Variants in SMC5 observed in about 807,000 individuals in gnomAD.
SMC5 encodes the protein structural maintenance of chromosomes protein 5.
In SMC5, 88 loss-of-function variants were observed where a neutral mutation model predicts 148.3. The observed-to-expected ratio is 0.59, with a 90% CI of 0.50 to 0.71. SMC5 has a LOEUF of 0.71. Ranked by LOEUF, SMC5 falls within the 30% of genes least tolerant of loss-of-function variation. The probability of loss-of-function intolerance (pLI) is 0.00; values close to 1 mark genes in which losing one functional copy is unlikely to be tolerated. For synonymous variants in SMC5, 421 were observed against 432.8 expected (o/e 0.97, Z 0.34); for missense variants, 1,142 against 1,298.9 (o/e 0.88, Z 1.86).
rs146849006 is a variant in SMC5 at position 70,296,571 on chromosome 9, A to G, written c.1054-1395A>G. Among the ~76,000 whole-genome samples the G allele has an allele frequency of 3.9e-3, 590 of 152,052 alleles. 3 individuals carry two copies. Among genetic ancestry groups the G allele is most frequent in the African/African-American group, 0.013 (544 of 41,494 alleles). ...CTGTCTCAAAAAAAAAAAAAAGGTA[A>G]AAGTTTAAGGACATTAAGATTATAA... On this transcript the variant is annotated intron_variant, in intron 8 of 24. Transcript: ENST00000361138.
intron 3 of SMC5, among the ~76,000 whole-genome samples, chr9:70,269,321 G>C (rs2034380989): frequency 6.6e-6 from 1 of 152,156 alleles, no homozygotes; most frequent in East Asian, 1.9e-4. Context: ...AGTGGCTCAT[G>C]TGCGTAATCC....
At chr9:70,303,266 C>G (rs1010805874) in intron 10 of SMC5, among the ~76,000 whole-genome samples, 12 of 151,626 alleles carry the variant, frequency 7.9e-5, no homozygotes, top group South Asian at 2.1e-4. Flanking sequence ...TCTGGGAGAA[C>G]GTGATCATGA....
At chr9:70,274,129 T>C (rs1402888042) in intron 3 of SMC5, among the ~76,000 whole-genome samples, 1 of 152,262 alleles carries the variant, frequency 6.6e-6, no homozygotes, top group Non-Finnish European at 1.5e-5. Context: ...TCGCCCAGGC[T>C]GGAGTGCAGT....
intron 7 of SMC5, among the ~76,000 whole-genome samples, chr9:70,285,742 T>A (rs975549846): frequency 1.3e-5 from 2 of 152,188 alleles, no homozygotes; most frequent in African/African-American, 4.8e-5. Context: ...CTATAATATG[T>A]CATGTATGTG....
intron 13 of SMC5, among the ~76,000 whole-genome samples, chr9:70,318,037 C>T (rs2035849332): frequency 6.6e-6 from 1 of 152,036 alleles, no homozygotes; most frequent in Non-Finnish European, 1.5e-5. Context: ...AGAAGTATAG[C>T]TGACTTTGCT....
At chr9:70,281,233 G>C (rs1296529228) in intron 6 of SMC5, among the ~76,000 whole-genome samples, 12 of 152,018 alleles carry the variant, frequency 7.9e-5, no homozygotes, top group Non-Finnish European at 1.5e-5. Context: ...GTAGAGACAG[G>C]GTTTCACCAT....
intron 5 of SMC5, 43 bp from the exon 6 acceptor site, chr9:70,280,716 A>AT: frequency 5.1e-6 from 8 of 1,560,820 alleles, no homozygotes; most frequent in Non-Finnish European, 6.9e-6. Flanking sequence ...ACCTGTTGTC[A>AT]TTTTTTCTGT....
At chr9:70,282,654 T>C in intron 7 of SMC5, 71 bp downstream of exon 7, 1 of 1,408,764 alleles carries the variant, frequency 7.1e-7, no homozygotes, top group Non-Finnish European at 9.5e-7. Flanking sequence ...TTTGCAGGTG[T>C]TTGAAAATAT....
chr9:70,303,301 CTATAAT>C (rs199790360), intron 10 of SMC5, among the ~76,000 whole-genome samples: 10,475 of 151,364 alleles, frequency 0.069, 578 homozygotes, highest in East Asian at 0.22. Flanking sequence ...ACTGGCTTAT[CTATAAT>C]TATATTTTTT....
At chr9:70,320,413 G>A (rs1476229358) in intron 15 of SMC5, among the ~76,000 whole-genome samples, 1 of 152,072 alleles carries the variant, frequency 6.6e-6, no homozygotes, top group Non-Finnish European at 1.5e-5. Context: ...GCAGGGAGGA[G>A]GGAAGAAAGA....
intron 18 of SMC5, among the ~76,000 whole-genome samples, chr9:70,344,998 A>G (rs953260200): frequency 6.6e-6 from 1 of 152,158 alleles, no homozygotes; most frequent in African/African-American, 2.4e-5. Flanking sequence ...CAAATCCTCA[A>G]TTGATTTATT....
At chr9:70,317,468 T>A (rs1173756486) in intron 13 of SMC5, among the ~76,000 whole-genome samples, 1 of 152,174 alleles carries the variant, frequency 6.6e-6, no homozygotes, top group Non-Finnish European at 1.5e-5. Flanking sequence ...TTGGGTAGGC[T>A]AAAGTCATCC....
At position 70,314,790 on chromosome 9, in the gene SMC5, A is replaced by G; in HGVS notation, c.1627A>G (p.Ser543Gly). The stretch of plus-strand genomic sequence containing the variant: ...AGTAAATGCTGTTATTGCTCCCAAG[A>G]GTTCATATGCAGACAAAGCACCTTC... ...LRVNAVIAPKSSYADKAPSRS... is the reference protein window; with the variant it reads ...LRVNAVIAPKGSYADKAPSRS... Residue 543 changes from serine to glycine, a missense_variant, in exon 12 of 25, where the codon AGT becomes GGT. By Grantham distance (56) the Ser-to-Gly change is moderately conservative. Around this residue, in one of 5 missense-constraint regions of SMC5, gnomAD observed 743 missense variants for 835.7 expected, o/e 0.89. Coordinates refer to ENST00000361138, the MANE Select transcript of SMC5 (RefSeq NM_015110.4). 4 of 1,579,186 alleles carry G rather than the reference A, an allele frequency of 2.5e-6. No homozygotes were observed. Among genetic ancestry groups the G allele is most frequent in the East Asian group, 2.3e-5 (1 of 43,272 alleles).
intron 13 of SMC5, among the ~76,000 whole-genome samples, chr9:70,316,788 T>C (rs2035813534): frequency 6.6e-6 from 1 of 152,130 alleles, no homozygotes; most frequent in Non-Finnish European, 1.5e-5. Context: ...CTTTTACTTT[T>C]AACATTTTGT....
intron 24 of SMC5, among the ~76,000 whole-genome samples, chr9:70,351,609 A>T (rs1204200471): frequency 6.6e-6 from 1 of 152,162 alleles, no homozygotes; most frequent in South Asian, 2.1e-4. Flanking sequence ...TGTGGAGGAC[A>T]TACTCTTTTC....
At chr9:70,304,951 A>G (rs534141617) in intron 10 of SMC5, among the ~76,000 whole-genome samples, 16 of 152,288 alleles carry the variant, frequency 1.1e-4, no homozygotes, top group African/African-American at 3.4e-4. Context: ...ACAATCTAAG[A>G]CTGTTTGAAA....
At chr9:70,320,286 C>T (rs1418449313) in intron 15 of SMC5, among the ~76,000 whole-genome samples, 2 of 152,172 alleles carry the variant, frequency 1.3e-5, no homozygotes, top group African/African-American at 4.8e-5. Context: ...AGGCCAGGTG[C>T]AGTGTCTCAT....
intron 3 of SMC5, among the ~76,000 whole-genome samples, chr9:70,274,292 A>G (rs2034527941): frequency 6.6e-6 from 1 of 152,144 alleles, no homozygotes; most frequent in Non-Finnish European, 1.5e-5. Flanking sequence ...CGTGTTAGCC[A>G]GGACGGTCTC....
rs765295211 is a variant in SMC5, at chr9:70,280,761, C to G, written c.681C>G (p.Thr227=). 6.2e-7 allele frequency: 1 copy of G among 1,610,490 alleles called. No homozygotes were observed. Among genetic ancestry groups the G allele is most frequent in the Non-Finnish European group, 8.5e-7 (1 of 1,178,848 alleles). The part of the protein sequence containing the change: ...NLREKEKQLE[T]SCKEKTEYLQ... ...TGTTCAACATATATTTATTGTAGAC[C>G]TCATGCAAAGAGAAAACTGAGTATC... The change falls in exon 6 of 25, where the codon ACC becomes ACG. Residue 227 remains threonine, a splice_region_variant and synonymous_variant. Transcript: ENST00000361138.
Sources: gnomAD v4.1 joint callset for allele counts (sites outside exome capture counted in the v4.1 genomes callset) on GRCh38, gnomAD v4.1.1 for gene constraint, gnomAD v4.1.1 regional missense constraint, MANE v1.5 for transcripts, NCBI Gene and HGNC (gene_info 2026-07-23, HGNC 2026-07-21) for gene names.